ACTR10: variants seen among roughly 807,000 people sequenced by gnomAD.
ACTR10 encodes actin related protein 10.
In ACTR10, 43 loss-of-function variants were observed where a neutral mutation model predicts 56.2. The observed-to-expected ratio is 0.77, with a 90% CI of 0.60 to 0.99. The LOEUF is 0.99. ACTR10 is among the 50% of genes least tolerant of loss of function. ACTR10 has a pLI of 0.00. For synonymous variants in ACTR10, 170 were observed against 176.3 expected, an observed-to-expected ratio of 0.96 and a Z score of 0.28; for missense variants, 466 against 507.8, an observed-to-expected ratio of 0.92 and a Z score of 0.79.
At chr14:58,217,713 C>G (rs1334901369) in intron 7 of ACTR10, among the ~76,000 whole-genome samples, 1 of 151,584 alleles carries the variant, frequency 6.6e-6, no homozygotes, top group Non-Finnish European at 1.5e-5. Context: ...TAAAATGTCT[C>G]TTTTCCAGGT....
chr14:58,213,566 G>A (rs542266886), intron 5 of ACTR10, 65 bp from the exon 6 acceptor site: 5 of 1,114,368 alleles, frequency 4.5e-6, no homozygotes, highest in East Asian at 2.5e-5. Flanking sequence ...TGCAGAAGGT[G>A]AGGAAAATAT....
intron 2 of ACTR10, among the ~76,000 whole-genome samples, chr14:58,205,239 A>C (rs1276077270): frequency 6.6e-6 from 1 of 152,114 alleles, no homozygotes; most frequent in Non-Finnish European, 1.5e-5. Context: ...ACAAAAACAA[A>C]AACAAAAAAA....
At position 58,207,969 on chromosome 14, in the gene ACTR10, G is replaced by C. The variant is rs763179506; in HGVS notation, c.184G>C (p.Glu62Gln). The C allele has an allele frequency of 6.6e-7, 1 of 1,507,294 alleles. No homozygotes were observed. The highest frequency in any genetic ancestry group is 8.8e-7 in the Non-Finnish European group (1 of 1,135,612). 93.4% of individuals were successfully genotyped at this position (1,507,294 alleles called of 1,614,324 possible). ...AGTTGTTCAGTATAATATCAATACA[G>C]AAGAATTATATTCCTACCTAAAGGA... Reference protein sequence around the residue: ...VRVVQYNINTEELYSYLKEFI... With the variant: ...VRVVQYNINTQELYSYLKEFI... Residue 62 changes from glutamate (E) to glutamine (Q), a missense_variant, in exon 3 of 13, where the codon GAA (glutamate) becomes CAA (glutamine). Physicochemically the swap from Glu to Gln is conservative, Grantham distance 29 (BLOSUM62 2). Transcript: ENST00000254286.
intron 12 of ACTR10, 63 bp downstream of exon 12, chr14:58,232,330 A>C (rs1889558414): frequency 8.1e-7 from 1 of 1,233,518 alleles, no homozygotes; most frequent in East Asian, 2.5e-5. Context: ...TGACACTATT[A>C]ATGGATATAT....
At chr14:58,210,359 G>T (rs1888962968) in intron 4 of ACTR10, among the ~76,000 whole-genome samples, 1 of 152,018 alleles carries the variant, frequency 6.6e-6, no homozygotes, top group African/African-American at 2.4e-5. Flanking sequence ...AGCCGGACGT[G>T]GTGGCATGCA....
At chr14:58,206,229 G>T (rs1369855555) in intron 2 of ACTR10, among the ~76,000 whole-genome samples, 1 of 151,064 alleles carries the variant, frequency 6.6e-6, no homozygotes, top group African/African-American at 2.4e-5. Context: ...AGGCAGGAGT[G>T]CAGTATCATG....
chr14:58,207,910 TAATA>T (rs767870589), intron 2 of ACTR10, 22 bp from the exon 3 acceptor site: 6 of 1,302,844 alleles, frequency 4.6e-6, no homozygotes, highest in African/African-American at 3.1e-5. Context: ...TAATATAAAT[TAATA>T]AATCATTTTA....
chr14:58,228,777 C>G (rs527603335), intron 10 of ACTR10, among the ~76,000 whole-genome samples: 1 of 139,476 alleles, frequency 7.2e-6, no homozygotes, highest in Admixed American at 7.8e-5. Flanking sequence ...GGCCTCAAGC[C>G]ATTCCCCTGC....
intron 2 of ACTR10, 27 bp from the exon 3 acceptor site, chr14:58,207,909 T>G: frequency 7.7e-7 from 1 of 1,294,024 alleles, no homozygotes; most frequent in Non-Finnish European, 1.0e-6. Flanking sequence ...TTAATATAAA[T>G]TAATAAATCA....
chr14:58,231,582 C>T (rs566237413), intron 11 of ACTR10, among the ~76,000 whole-genome samples: 3 of 152,282 alleles, frequency 2.0e-5, no homozygotes, highest in Admixed American at 6.5e-5. Flanking sequence ...ACCTTATCAT[C>T]GCTAACTCTT....
intron 4 of ACTR10, 61 bp downstream of exon 4, chr14:58,209,168 T>A: frequency 8.2e-7 from 1 of 1,216,402 alleles, no homozygotes; most frequent in Non-Finnish European, 1.2e-6. Flanking sequence ...AGCAATAAAA[T>A]TCTTACCAAT....
chr14:58,226,354 C>T (rs1227481342), intron 10 of ACTR10, among the ~76,000 whole-genome samples: 1 of 151,494 alleles, frequency 6.6e-6, no homozygotes, highest in Non-Finnish European at 1.5e-5. Context: ...AAGCAATCCT[C>T]CCACCTTGCC....
chr14:58,201,843 C>T (rs1365143197), intron 1 of ACTR10, among the ~76,000 whole-genome samples: 1 of 151,896 alleles, frequency 6.6e-6, no homozygotes, highest in African/African-American at 2.4e-5. Context: ...CAGCTCTACA[C>T]AAAATACAAA....
chr14:58,225,246 G>C (rs1014731219), intron 10 of ACTR10, among the ~76,000 whole-genome samples: 5 of 152,124 alleles, frequency 3.3e-5, no homozygotes, highest in Non-Finnish European at 7.3e-5. Context: ...TTAGGACTTA[G>C]TAATTCACCG....
chr14:58,228,681 CTTTTTTTTTTTTTTTT>C (rs35498207), intron 10 of ACTR10, among the ~76,000 whole-genome samples: 35 of 40,790 alleles, frequency 8.6e-4, no homozygotes, highest in East Asian at 1.9e-3. Context: ...GCAAGACAGA[CTTTTTTTTTTTTTTTT>C]TTTTTTTTTT....
At chr14:58,218,456 G>A (rs1005045422) in intron 7 of ACTR10, among the ~76,000 whole-genome samples, 1 of 151,982 alleles carries the variant, frequency 6.6e-6, no homozygotes, top group African/African-American at 2.4e-5. Flanking sequence ...ACTATATTAT[G>A]AAACACAAAA....
chr14:58,218,998 T>G (rs887014608), intron 7 of ACTR10, among the ~76,000 whole-genome samples: 7 of 152,234 alleles, frequency 4.6e-5, no homozygotes, highest in Non-Finnish European at 7.4e-5. Flanking sequence ...TTTTGTATTT[T>G]TAGTAGAGAC....
At chr14:58,223,440 A>T in intron 8 of ACTR10, 182 bp from the exon 9 acceptor site, 1 of 612,538 alleles carries the variant, frequency 1.6e-6, no homozygotes, top group Non-Finnish European at 2.8e-6. Context: ...ACCTGGCCAA[A>T]ACAGGTTTTT....
At chr14:58,204,843 T>C (rs533603331) in intron 2 of ACTR10, among the ~76,000 whole-genome samples, 1 of 152,360 alleles carries the variant, frequency 6.6e-6, no homozygotes, top group East Asian at 1.9e-4. Flanking sequence ...AATTATAGCT[T>C]GTCTTGCCTA....
Sources: gnomAD v4.1 joint callset for allele counts (sites outside exome capture counted in the v4.1 genomes callset) on GRCh38, gnomAD v4.1.1 for gene constraint, MANE v1.5 for transcripts, NCBI Gene and HGNC (gene_info 2026-07-23, HGNC 2026-07-21) for gene names.